Variants in ZDHHC11 observed in about 807,000 individuals in gnomAD.
The protein encoded by ZDHHC11 is zDHHC palmitoyltransferase 11.
In ZDHHC11, 44 loss-of-function variants were observed where a neutral mutation model predicts 51.3. The ratio of observed to expected loss-of-function variants is 0.86; its 90% confidence interval spans 0.67 to 1.10. The LOEUF is 1.10. Among genes scored for constraint, ZDHHC11 ranks in the 50% least tolerant of loss-of-function variants. The pLI is 0.00. For missense variants in ZDHHC11, 400 were observed against 537.7 expected (o/e 0.74, Z 2.53); for synonymous variants, 163 against 222.0 (o/e 0.73, Z 2.36).
At chr5:821,728 G>T in intron 9 of ZDHHC11, 133 bp downstream of exon 9, 2 of 868,612 alleles carry the variant, frequency 2.3e-6, no homozygotes, top group Non-Finnish European at 3.5e-6. Flanking sequence ...TCTCGAAAGT[G>T]CCACCTCCTG....
intron 11 of ZDHHC11, among the ~76,000 whole-genome samples, chr5:813,404 G>T (rs1353486834): frequency 7.0e-6 from 1 of 142,388 alleles, no homozygotes; most frequent in African/African-American, 2.8e-5. Context: ...AGGCCAGCTG[G>T]GTGCACTCAT....
chr5:853,705 G>A (rs1416467542), upstream of ZDHHC11, among the ~76,000 whole-genome samples: 2 of 151,178 alleles, frequency 1.3e-5, no homozygotes, highest in East Asian at 3.9e-4. Context: ...AGTGAGCCAG[G>A]GAGACAGACC....
intron 6 of ZDHHC11, among the ~76,000 whole-genome samples, chr5:837,037 A>G (rs1054421883): frequency 1.3e-5 from 2 of 151,610 alleles, no homozygotes; most frequent in Non-Finnish European, 3.0e-5. Context: ...ACCCTGGGCA[A>G]CAGAGCGAGA....
At chr5:828,802 CT>C (rs1206482972) in intron 7 of ZDHHC11, among the ~76,000 whole-genome samples, 3 of 145,092 alleles carry the variant, frequency 2.1e-5, no homozygotes, top group African/African-American at 7.7e-5. Context: ...CATCAAGTAT[CT>C]TTTCAGACCA....
At chr5:840,232 T>C (rs764219515) in intron 5 of ZDHHC11, 1 of 714,802 alleles carries the variant, frequency 1.4e-6, no homozygotes, top group South Asian at 1.5e-5. Flanking sequence ...GCACCACTCC[T>C]GCAGGTCTCG....
intron 3 of ZDHHC11, among the ~76,000 whole-genome samples, chr5:846,632 G>T (rs1746218522): frequency 1.4e-5 from 2 of 147,086 alleles, no homozygotes; most frequent in Non-Finnish European, 3.0e-5. Context: ...TCTCATCCTT[G>T]CGCCTCCACC....
At chr5:809,006 C>CACACACACACACACACACACAG (rs1739711096) in intron 11 of ZDHHC11, among the ~76,000 whole-genome samples, 1 of 147,138 alleles carries the variant, frequency 6.8e-6, no homozygotes, top group African/African-American at 2.6e-5. Flanking sequence ...CACACACACA[C>CACACACACACACACACACACAG]ACACACACGC....
rs568953183 is a variant in ZDHHC11, at chr5:855,995, G to A, written c.-1+2879C>T. 9.1e-4 allele frequency among the ~76,000 whole-genome samples: 139 copies of A among 152,152 alleles called. 1 individual carries two copies. The highest frequency in any genetic ancestry group is 3.3e-3 in the African/African-American group (136 of 41,486). On this transcript the variant is annotated intron_variant, in intron 1 of 3. Coordinates refer to the ZDHHC11 transcript ENST00000685990. ...GCACAGACCCCGCGGAGGACAGCAA[G>A]CAAGGGGCATGGACCCCATGGAGGA...
intron 6 of ZDHHC11, among the ~76,000 whole-genome samples, chr5:836,033 G>GCGATC (rs1323578335): frequency 2.7e-5 from 4 of 150,630 alleles, no homozygotes; most frequent in African/African-American, 4.9e-5. Context: ...TATTCTCTGT[G>GCGATC]CCTTCATTTT....
intron 1 of ZDHHC11, among the ~76,000 whole-genome samples, chr5:856,007 G>C (rs1471700462): frequency 6.6e-6 from 1 of 151,938 alleles, no homozygotes; most frequent in African/African-American, 2.4e-5. Context: ...AAGGGGCATG[G>C]ACCCCATGGA....
chr5:814,379 T>A (rs893661941), intron 11 of ZDHHC11, among the ~76,000 whole-genome samples: 1 of 151,252 alleles, frequency 6.6e-6, no homozygotes, highest in Non-Finnish European at 1.5e-5. Context: ...AATTGTGCAG[T>A]GTTGGGGCAG....
In ZDHHC11 at chr5:803,547, T is replaced by C. The variant is rs1386762015; in HGVS notation, c.1182-2383A>G. Reference sequence around the variant, plus strand: ...AAGCACTTGATTTTTAGAGTTACCATATTATGATACACAGAATGTCCAGTT... The same window carrying C: ...AAGCACTTGATTTTTAGAGTTACCACATTATGATACACAGAATGTCCAGTT... On this transcript the variant is annotated intron_variant, in intron 11 of 12. Coordinates refer to ENST00000283441, the MANE Select transcript of ZDHHC11 (RefSeq NM_024786.3). Among the ~76,000 whole-genome samples the C allele has an allele frequency of 2.0e-4, 31 of 151,284 alleles. 1 individual carries two copies. The highest frequency in any genetic ancestry group is 6.8e-4 in the African/African-American group (28 of 41,272).
chr5:849,520 G>C (rs1011858160), intron 1 of ZDHHC11: 5 of 152,174 alleles, frequency 3.3e-5, no homozygotes, highest in Admixed American at 6.5e-5. Context: ...CCCGCTCCCT[G>C]TAGACCCCAG....
intron 1 of ZDHHC11, 43 bp downstream of exon 1, chr5:850,338 A>C: frequency 6.3e-7 from 1 of 1,593,830 alleles, no homozygotes; most frequent in Non-Finnish European, 8.6e-7. Context: ...AAGTTCCTCC[A>C]GGAACCCCTC....
chr5:859,625 G>T (rs919491888), upstream of ZDHHC11, among the ~76,000 whole-genome samples: 2 of 152,134 alleles, frequency 1.3e-5, no homozygotes, highest in Admixed American at 6.5e-5. Flanking sequence ...TCGTAGTCTC[G>T]CGAGTGCAGG....
At chr5:851,472 G>A (rs540973640), upstream of ZDHHC11, among the ~76,000 whole-genome samples, 7 of 152,320 alleles carry the variant, frequency 4.6e-5, no homozygotes, top group South Asian at 2.1e-4. Flanking sequence ...GCTTCGCCAC[G>A]TTATGCCTCG....
chr5:847,131 G>A (rs1197997400), intron 3 of ZDHHC11, among the ~76,000 whole-genome samples: 25 of 151,748 alleles, frequency 1.6e-4, no homozygotes, highest in African/African-American at 5.6e-4. Flanking sequence ...AACACCTCTC[G>A]CCCATCTGCG....
upstream of ZDHHC11, among the ~76,000 whole-genome samples, chr5:859,394 G>A (rs1386182516): frequency 1.3e-5 from 2 of 152,044 alleles, no homozygotes; most frequent in Non-Finnish European, 2.9e-5. Context: ...AAAAGCCCCT[G>A]AGCTGACTAG....
rs755374389 is a variant in ZDHHC11 at position 825,181 on chromosome 5, C to T, written c.1006G>A (p.Gly336Arg). The part of the protein sequence containing the change: ...CHFCTSVNQD[G>R]DSTAREGDED... ...CAACTTACCCGTGCCGTCGAATCCC[C>T]ATCCTGGTTTACTGAAGTGCAGAAG... is the stretch of plus-strand genomic sequence containing the variant. The change falls in exon 8 of 13, where the codon GGG becomes AGG. Residue 336 changes from glycine to arginine, a missense_variant. Gly to Arg is a moderately radical substitution (Grantham distance 125). This residue lies in a region of ZDHHC11 where 231 missense variants were observed against 227.4 expected (regional missense o/e 1.02). Coordinates refer to ENST00000283441, the MANE Select transcript of ZDHHC11 (RefSeq NM_024786.3). 5 of 1,612,636 alleles carry T rather than the reference C, an allele frequency of 3.1e-6. 1 individual carries two copies. In the Admixed American group the frequency reaches 6.7e-5, roughly 22 times the overall value.
Sources: allele counts gnomAD v4.1 joint callset (sites outside exome capture counted in the v4.1 genomes callset), GRCh38; gene constraint gnomAD v4.1.1; regional missense constraint gnomAD v4.1.1; transcripts MANE v1.5; gene names NCBI Gene and HGNC (gene_info 2026-07-23, HGNC 2026-07-21).